The following CTNNA3 variants were observed in gnomAD, a reference collection of about 807,000 sequenced individuals.
CTNNA3 encodes the protein catenin alpha 3.
Under a neutral mutation model 95.7 loss-of-function variants are expected in CTNNA3, and 76 were observed. That is an observed-to-expected ratio of 0.79 (90% CI 0.66 to 0.96). The LOEUF is 0.96. CTNNA3 is among the 40% of genes least tolerant of loss of function. The pLI, the probability that CTNNA3 is intolerant of heterozygous loss-of-function variation, is 0.00. For missense variants in CTNNA3, 1,191 were observed against 1,089.8 expected, an observed-to-expected ratio of 1.09 and a Z score of -1.31; for synonymous variants, 431 against 374.4, an observed-to-expected ratio of 1.15 and a Z score of -1.74.
intron 17 of CTNNA3, among the ~76,000 whole-genome samples, chr10:65,950,214 T>G (rs2077586266): frequency 6.6e-6 from 1 of 152,152 alleles, no homozygotes; most frequent in Middle Eastern, 3.2e-3. Context: ...GACTTTAGTA[T>G]TCTTTCATAT....
chr10:66,465,659 A>G (rs1410592185), intron 11 of CTNNA3, among the ~76,000 whole-genome samples: 1 of 152,108 alleles, frequency 6.6e-6, no homozygotes, highest in East Asian at 1.9e-4. Context: ...CATCCTGTGC[A>G]TTCTGGACTG....
At chr10:66,399,964 T>G (rs893829713) in intron 11 of CTNNA3, among the ~76,000 whole-genome samples, 6 of 151,998 alleles carry the variant, frequency 3.9e-5, no homozygotes, top group African/African-American at 1.4e-4. Context: ...ACTTAGAAGA[T>G]GAACTCCTAA....
At chr10:67,647,146 T>TTATATATATA (rs67324505) in intron 2 of CTNNA3, among the ~76,000 whole-genome samples, 2,993 of 136,166 alleles carry the variant, frequency 0.022, 39 homozygotes, top group Non-Finnish European at 0.029. Flanking sequence ...ACTCTGAAAA[T>TTATATATATA]TATATATATA....
chr10:65,927,563 T>C lies in CTNNA3; in HGVS notation c.2401-6946A>G, dbSNP rs375052540. On this transcript the variant is annotated intron_variant, in intron 17 of 17. Transcript: ENST00000433211. ...ATAAATGGAATTCTATGGTATGTAA[T>C]TTTTTGTGTGATGTTTCACATGGCA... Among the ~76,000 whole-genome samples, 7 of 152,326 alleles carry C rather than the reference T, an allele frequency of 4.6e-5. No individual in the cohort carries two copies. The South Asian group carries it at 1.0e-3, about 23-fold the overall frequency.
At chr10:67,726,427 T>TATATATA (rs1841220389) in intron 1 of CTNNA3, among the ~76,000 whole-genome samples, 1 of 35,486 alleles carries the variant, frequency 2.8e-5, no homozygotes, top group African/African-American at 7.8e-5. Flanking sequence ...TATTATATAT[T>TATATATA]ATATCATATA....
At chr10:66,151,370 T>C (rs1211088119) in intron 13 of CTNNA3, among the ~76,000 whole-genome samples, 2 of 152,000 alleles carry the variant, frequency 1.3e-5, no homozygotes, top group Non-Finnish European at 2.9e-5. Flanking sequence ...GAAAATGTTT[T>C]AACTAAAAAA....
At chr10:67,502,542 G>T (rs560923110) in intron 5 of CTNNA3, among the ~76,000 whole-genome samples, 1 of 152,332 alleles carries the variant, frequency 6.6e-6, no homozygotes, top group South Asian at 2.1e-4. Flanking sequence ...CAGATGGAAT[G>T]TTTCAGTCTG....
chr10:66,196,781 A>T (rs931195028), intron 13 of CTNNA3, among the ~76,000 whole-genome samples: 1 of 152,154 alleles, frequency 6.6e-6, no homozygotes, highest in Non-Finnish European at 1.5e-5. Context: ...AGGCCATACC[A>T]GGAAGCCCAT....
chr10:66,386,034 C>G (rs1364838008), intron 11 of CTNNA3, among the ~76,000 whole-genome samples: 2 of 152,114 alleles, frequency 1.3e-5, no homozygotes, highest in Non-Finnish European at 2.9e-5. Flanking sequence ...GAAACTGGCA[C>G]AAGACAAGGA....
chr10:66,809,762 T>C (rs1370994226), intron 7 of CTNNA3, among the ~76,000 whole-genome samples: 4 of 152,142 alleles, frequency 2.6e-5, no homozygotes, highest in Non-Finnish European at 4.4e-5. Flanking sequence ...GAAAATGTTT[T>C]CTATTCCCAT....
intron 13 of CTNNA3, among the ~76,000 whole-genome samples, chr10:66,186,831 CA>C (rs1003640877): frequency 2.6e-5 from 4 of 151,260 alleles, no homozygotes; most frequent in South Asian, 4.2e-4. Context: ...AAGAACACTG[CA>C]AAAAAAAGGT....
At chr10:67,113,803 A>G (rs1342358411) in intron 7 of CTNNA3, among the ~76,000 whole-genome samples, 2 of 152,228 alleles carry the variant, frequency 1.3e-5, no homozygotes, top group Non-Finnish European at 2.9e-5. Flanking sequence ...CTTTGTTAAT[A>G]AAACAAGGTA....
intron 11 of CTNNA3, among the ~76,000 whole-genome samples, chr10:66,475,407 T>G (rs1272550632): frequency 6.6e-6 from 1 of 152,100 alleles, no homozygotes; most frequent in Non-Finnish European, 1.5e-5. Flanking sequence ...ACTCTGGATA[T>G]TAGACCTTTC....
At chr10:66,541,959 A>G (rs537639509) in intron 10 of CTNNA3, among the ~76,000 whole-genome samples, 38 of 152,218 alleles carry the variant, frequency 2.5e-4, no homozygotes, top group African/African-American at 9.1e-4. Context: ...GCAACCTACA[A>G]AATGGGAGAA....
intron 9 of CTNNA3, among the ~76,000 whole-genome samples, chr10:66,682,657 G>GCTAAAACTTATTTA (rs55895851): frequency 6.7e-6 from 1 of 148,572 alleles, no homozygotes; most frequent in Non-Finnish European, 1.5e-5. Context: ...TTTTATTTCT[G>GCTAAAACTTATTTA]TTTTCTTTCT....
At chr10:66,183,621 T>A (rs888438761) in intron 13 of CTNNA3, among the ~76,000 whole-genome samples, 15 of 152,240 alleles carry the variant, frequency 9.9e-5, no homozygotes, top group African/African-American at 3.6e-4. Context: ...CAGTAATGTT[T>A]CTATGAATGT....
chr10:66,379,013 C>T, intron 12 of CTNNA3, 139 bp downstream of exon 12: 1 of 672,842 alleles, frequency 1.5e-6, no homozygotes, highest in Non-Finnish European at 2.5e-6. Flanking sequence ...ATCGCATAAC[C>T]AAAGTGTGCA....
intron 3 of CTNNA3, among the ~76,000 whole-genome samples, chr10:67,600,175 T>C (rs1843042288): frequency 6.6e-6 from 1 of 152,070 alleles, no homozygotes; most frequent in South Asian, 2.1e-4. Context: ...GCAATTAAAT[T>C]TCTGTATTTC....
At chr10:66,824,789 C>T (rs189128282) in intron 7 of CTNNA3, among the ~76,000 whole-genome samples, 2 of 152,200 alleles carry the variant, frequency 1.3e-5, no homozygotes, top group Non-Finnish European at 2.9e-5. Flanking sequence ...TCATCGCCGT[C>T]TAAAGAACCT....
Sources: allele counts gnomAD v4.1 joint callset (sites outside exome capture counted in the v4.1 genomes callset), GRCh38; gene constraint gnomAD v4.1.1; transcripts MANE v1.5; gene names NCBI Gene and HGNC (gene_info 2026-07-23, HGNC 2026-07-21).